PANK1: variants seen among roughly 807,000 people sequenced by gnomAD.
PANK1 encodes pantothenate kinase 1.
Under a neutral mutation model 40.1 loss-of-function variants are expected in PANK1, and 18 were observed. The observed-to-expected ratio is 0.45, with a 90% CI of 0.31 to 0.67. PANK1 has a LOEUF of 0.67. Among genes scored for constraint, PANK1 ranks in the 30% least tolerant of loss-of-function variants. PANK1 has a pLI of 0.06. For missense variants in PANK1, 457 were observed against 599.6 expected (o/e 0.76, Z 2.48); for synonymous variants, 242 against 237.7 (o/e 1.02, Z -0.17).
chr10:89,614,581 T>C (rs1258244582), intron 1 of PANK1, among the ~76,000 whole-genome samples: 3 of 152,070 alleles, frequency 2.0e-5, no homozygotes, highest in African/African-American at 7.2e-5. Context: ...GCAGATCGCT[T>C]GAGTCCAGGA....
At chr10:89,641,777 T>TAAAAA (rs572861825) in intron 1 of PANK1, among the ~76,000 whole-genome samples, 1 of 143,568 alleles carries the variant, frequency 7.0e-6, no homozygotes. Flanking sequence ...ATAAATAAAA[T>TAAAAA]AAAAAAAAAT....
chr10:89,621,100 G>C (rs1214467751), intron 1 of PANK1, among the ~76,000 whole-genome samples: 2 of 152,114 alleles, frequency 1.3e-5, no homozygotes, highest in Non-Finnish European at 2.9e-5. Context: ...TCAGAAGTTC[G>C]AGACCAACCT....
chr10:89,605,211 T>C (rs967991981), intron 2 of PANK1, among the ~76,000 whole-genome samples: 2 of 152,190 alleles, frequency 1.3e-5, no homozygotes, highest in Admixed American at 1.3e-4. Context: ...AAAGCAGGGT[T>C]TGCTGAGGGT....
chr10:89,622,033 G>A (rs1275341636), intron 1 of PANK1, among the ~76,000 whole-genome samples: 1 of 152,130 alleles, frequency 6.6e-6, no homozygotes, highest in Non-Finnish European at 1.5e-5. Flanking sequence ...GTCTTTAAAT[G>A]GAGGTAGATT....
At chr10:89,582,814 T>G (rs1844077883), downstream of PANK1, 1 of 152,172 alleles carries the variant, frequency 6.6e-6, no homozygotes, top group South Asian at 2.1e-4. Context: ...AATCTATGCA[T>G]AGGGCTACAG....
intron 5 of PANK1, among the ~76,000 whole-genome samples, chr10:89,591,417 A>G (rs1844383480): frequency 6.6e-6 from 1 of 152,232 alleles, no homozygotes; most frequent in Non-Finnish European, 1.5e-5. Flanking sequence ...CTGATGGGGA[A>G]GCATTTCACA....
intron 1 of PANK1, chr10:89,625,803 G>A (rs1038749656): frequency 1.3e-5 from 2 of 152,166 alleles, no homozygotes; most frequent in Non-Finnish European, 2.9e-5. Flanking sequence ...GCACCATGAA[G>A]TGTATTCTTA....
chr10:89,636,672 C>T (rs1389442704), intron 1 of PANK1, among the ~76,000 whole-genome samples: 2 of 151,518 alleles, frequency 1.3e-5, no homozygotes, highest in East Asian at 2.0e-4. Flanking sequence ...AGGATGGTCT[C>T]GATCTCCTGA....
chr10:89,596,674 G>C (rs780656847), intron 3 of PANK1, among the ~76,000 whole-genome samples: 3 of 152,152 alleles, frequency 2.0e-5, no homozygotes, highest in Non-Finnish European at 4.4e-5. Flanking sequence ...CAGTATATCA[G>C]AGAGAAAAAC....
intron 1 of PANK1, among the ~76,000 whole-genome samples, chr10:89,638,520 A>C (rs1841889054): frequency 2.6e-5 from 4 of 152,204 alleles, no homozygotes; most frequent in African/African-American, 9.6e-5. Flanking sequence ...AGAATCCTTC[A>C]AATCCCTAAA....
At chr10:89,605,111 C>T (rs1169311098) in intron 2 of PANK1, among the ~76,000 whole-genome samples, 1 of 150,748 alleles carries the variant, frequency 6.6e-6, no homozygotes, top group Non-Finnish European at 1.5e-5. Context: ...ATATTTATTG[C>T]TAAAAAATGC....
chr10:89,586,131 T>C (rs1844188647), intron 6 of PANK1, among the ~76,000 whole-genome samples: 1 of 152,208 alleles, frequency 6.6e-6, no homozygotes, highest in Admixed American at 6.5e-5. Flanking sequence ...TAGAAGACTT[T>C]TTATCCCTGA....
chr10:89,629,283 G>A (rs527664782), intron 1 of PANK1, among the ~76,000 whole-genome samples: 1 of 152,260 alleles, frequency 6.6e-6, no homozygotes, highest in South Asian at 2.1e-4. Context: ...GGCATCCCCT[G>A]AGGTTATAGG....
downstream of PANK1, chr10:89,580,983 C>T (rs1844041100): frequency 6.6e-6 from 1 of 152,198 alleles, no homozygotes; most frequent in South Asian, 2.1e-4. Context: ...AGCCTTTACA[C>T]CAGCTTACTT....
chr10:89,640,069 C>G (rs1168103344), intron 1 of PANK1, among the ~76,000 whole-genome samples: 1 of 152,172 alleles, frequency 6.6e-6, no homozygotes, highest in East Asian at 1.9e-4. Flanking sequence ...CCCTGTCATT[C>G]ACTGATAACA....
chr10:89,599,477 T>C lies in PANK1; in HGVS notation c.674A>G (p.Asp225Gly). 1.2e-6 allele frequency: 2 copies of C among 1,613,930 alleles called. No homozygotes were observed. Among genetic ancestry groups the C allele is most frequent in the Non-Finnish European group, 1.7e-6 (2 of 1,179,880 alleles). ...GCCCTGAATCAGACAGTCCAGTTCATCCAGTTTATGCAGCTGCAGGTCAGC... is the reference window on the plus strand; with the variant it reads ...GCCCTGAATCAGACAGTCCAGTTCACCCAGTTTATGCAGCTGCAGGTCAGC... ...MIADLQLHKL[D>G]ELDCLIQGLL... The change falls in exon 3 of 7, where the codon GAT (aspartate) becomes GGT (glycine). Residue 225 changes from aspartate to glycine, a missense_variant. Transcript: ENST00000307534.
chr10:89,644,482 G>C (rs934906357), intron 1 of PANK1, 118 bp downstream of exon 1: 3 of 872,148 alleles, frequency 3.4e-6, no homozygotes, highest in Admixed American at 2.8e-5. Flanking sequence ...GCAGTCCCTC[G>C]ACCGCAGACG....
At chr10:89,631,976 G>GTGTGTGTGTGTGT (rs199540491) in intron 1 of PANK1, among the ~76,000 whole-genome samples, 35 of 143,306 alleles carry the variant, frequency 2.4e-4, no homozygotes, top group Non-Finnish European at 3.6e-4. Context: ...GTGTGTGTGT[G>GTGTGTGTGTGTGT]TTTTTTTTTT....
At position 89,621,935 on chromosome 10, in the gene PANK1, A is replaced by G. The variant is rs140647742; in HGVS notation, c.293-9887T>C. On this transcript the variant is annotated intron_variant, in intron 1 of 6. Coordinates refer to ENST00000307534, the MANE Select transcript of PANK1 (RefSeq NM_148977.3). The stretch of plus-strand genomic sequence containing the variant: ...TGCCATGTTGGCCAGACTGGTCTTG[A>G]ACTCCTGACCTCAAGTGATCCACCT... Among the ~76,000 whole-genome samples, 428 of 152,246 alleles carry G rather than the reference A, an allele frequency of 2.8e-3. 2 individuals carry two copies. Among genetic ancestry groups the G allele is most frequent in the African/African-American group, 9.7e-3 (403 of 41,540 alleles).
Sources: gnomAD v4.1 joint callset for allele counts (sites outside exome capture counted in the v4.1 genomes callset) on GRCh38, gnomAD v4.1.1 for gene constraint, MANE v1.5 for transcripts, NCBI Gene and HGNC (gene_info 2026-07-23, HGNC 2026-07-21) for gene names.